HHAT: variants seen among roughly 807,000 people sequenced by gnomAD.
HHAT encodes the protein hedgehog acyltransferase, also known as protein-cysteine N-palmitoyltransferase HHAT.
In HHAT, 47 loss-of-function variants were observed where a neutral mutation model predicts 70.8. The observed-to-expected ratio is 0.66, with a 90% CI of 0.53 to 0.85. The LOEUF (loss-of-function observed/expected upper bound fraction) is 0.85. HHAT is among the 40% of genes least tolerant of loss of function. The pLI is 0.00. For synonymous variants in HHAT, 228 were observed against 247.6 expected (o/e 0.92, Z 0.74); for missense variants, 609 against 604.8 (o/e 1.01, Z -0.07).
At chr1:210,614,581 G>A (rs1667285209) in intron 10 of HHAT, among the ~76,000 whole-genome samples, 1 of 151,786 alleles carries the variant, frequency 6.6e-6, no homozygotes, top group African/African-American at 2.4e-5. Context: ...CTCACAACAG[G>A]CCCTAGTGTG....
chr1:210,423,006 T>G (rs983178837), intron 7 of HHAT, among the ~76,000 whole-genome samples: 1 of 152,210 alleles, frequency 6.6e-6, no homozygotes, highest in African/African-American at 2.4e-5. Context: ...ATCTTGGCTG[T>G]TGTGAATAGT....
At chr1:210,604,027 G>C (rs1198201299) in intron 10 of HHAT, among the ~76,000 whole-genome samples, 1 of 152,164 alleles carries the variant, frequency 6.6e-6, no homozygotes, top group African/African-American at 2.4e-5. Context: ...AATATAAAAG[G>C]TGAAGTTCAT....
intron 8 of HHAT, among the ~76,000 whole-genome samples, chr1:210,471,715 G>A (rs771245939): frequency 3.9e-5 from 6 of 152,140 alleles, no homozygotes; most frequent in African/African-American, 9.7e-5. Flanking sequence ...TGCCAGGACA[G>A]TTATTTTTAA....
chr1:210,600,017 T>C (rs1663885226), intron 10 of HHAT, among the ~76,000 whole-genome samples: 2 of 152,140 alleles, frequency 1.3e-5, no homozygotes, highest in Admixed American at 1.3e-4. Flanking sequence ...TTCCTTCCCC[T>C]CCACCCCTAT....
intron 10 of HHAT, among the ~76,000 whole-genome samples, chr1:210,608,174 T>C (rs1247791406): frequency 6.6e-6 from 1 of 152,182 alleles, no homozygotes; most frequent in Non-Finnish European, 1.5e-5. Context: ...TACATGTGTG[T>C]ACGTGGTTCT....
chr1:210,512,051 T>G (rs1417600831), intron 8 of HHAT, among the ~76,000 whole-genome samples: 2 of 152,052 alleles, frequency 1.3e-5, no homozygotes, highest in Non-Finnish European at 2.9e-5. Context: ...CAGTGTCGTT[T>G]ATATGGACTG....
intron 10 of HHAT, among the ~76,000 whole-genome samples, chr1:210,614,018 C>CAA (rs55874321): frequency 3.0e-4 from 33 of 111,550 alleles, no homozygotes; most frequent in African/African-American, 9.6e-4. Context: ...GACCCTGCCT[C>CAA]AAAAAAAAAA....
chr1:210,438,890 C>T (rs2093440297), intron 7 of HHAT, among the ~76,000 whole-genome samples: 1 of 151,842 alleles, frequency 6.6e-6, no homozygotes, highest in African/African-American at 2.4e-5. Context: ...CGCTATTTTA[C>T]AGTGAGGAAA....
intron 11 of HHAT, among the ~76,000 whole-genome samples, chr1:210,628,106 C>A (rs1050770844): frequency 1.3e-5 from 2 of 152,152 alleles, no homozygotes; most frequent in South Asian, 2.1e-4. Flanking sequence ...CAAGGCCAGT[C>A]CCCATAAACC....
chr1:210,651,681 G>A (rs1675189199), intron 11 of HHAT, among the ~76,000 whole-genome samples: 1 of 152,202 alleles, frequency 6.6e-6, no homozygotes, highest in East Asian at 1.9e-4. Context: ...ACATTGACAA[G>A]AACTGGAAAT....
At chr1:210,427,276 C>G (rs1229826133) in intron 7 of HHAT, among the ~76,000 whole-genome samples, 1 of 151,614 alleles carries the variant, frequency 6.6e-6, no homozygotes, top group Non-Finnish European at 1.5e-5. Flanking sequence ...TTCCTGGATT[C>G]ACTGACATTT....
intron 8 of HHAT, among the ~76,000 whole-genome samples, chr1:210,507,359 C>CTTTTTTTTTTTTT (rs927392992): frequency 2.4e-5 from 3 of 122,528 alleles, no homozygotes; most frequent in South Asian, 2.8e-4. Flanking sequence ...TTTCTTTTTT[C>CTTTTTTTTTTTTT]TTTTTTTTTT....
At chr1:210,657,022 T>C (rs1169098764) in intron 11 of HHAT, among the ~76,000 whole-genome samples, 1 of 152,198 alleles carries the variant, frequency 6.6e-6, no homozygotes, top group Non-Finnish European at 1.5e-5. Context: ...CAAATATCAT[T>C]TGTAAATGTT....
intron 9 of HHAT, among the ~76,000 whole-genome samples, chr1:210,581,652 C>T (rs974115753): frequency 2.6e-5 from 4 of 152,166 alleles, no homozygotes; most frequent in Non-Finnish European, 4.4e-5. Flanking sequence ...ATACTTTTGA[C>T]TTTAGTAGGG....
intron 8 of HHAT, among the ~76,000 whole-genome samples, chr1:210,495,056 C>T (rs1033119860): frequency 2.0e-5 from 3 of 152,036 alleles, no homozygotes; most frequent in Non-Finnish European, 4.4e-5. Flanking sequence ...CCAATGAGCC[C>T]TGTCTCTCCA....
At chr1:210,354,926 AATTG>A (rs2087452582) in intron 2 of HHAT, among the ~76,000 whole-genome samples, 2 of 152,150 alleles carry the variant, frequency 1.3e-5, no homozygotes, top group South Asian at 4.1e-4. Context: ...ATTTGTAAAT[AATTG>A]ATATTTTTAT....
At chr1:210,588,725 T>A (rs1661038384) in intron 10 of HHAT, 1 of 152,456 alleles carries the variant, frequency 6.6e-6, no homozygotes, top group Non-Finnish European at 1.5e-5. Flanking sequence ...TGTATATTGC[T>A]TATTAACTCT....
At chr1:210,357,602 A>G (rs572401499) in intron 2 of HHAT, among the ~76,000 whole-genome samples, 61 of 152,288 alleles carry the variant, frequency 4.0e-4, no homozygotes, top group African/African-American at 1.3e-3. Flanking sequence ...CGGGTGGATA[A>G]TGAGGTCAGG....
At chr1:210,407,214 G>A (rs1439121636) in intron 6 of HHAT, among the ~76,000 whole-genome samples, 7 of 152,218 alleles carry the variant, frequency 4.6e-5, no homozygotes, top group Admixed American at 1.3e-4. Flanking sequence ...GGAAAAGGCT[G>A]GGAGGTGGAG....
Sources: gnomAD v4.1 joint callset for allele counts (sites outside exome capture counted in the v4.1 genomes callset) on GRCh38, gnomAD v4.1.1 for gene constraint, MANE v1.5 for transcripts, NCBI Gene and HGNC (gene_info 2026-07-23, HGNC 2026-07-21) for gene names.